TMEM117: variants seen among roughly 807,000 people sequenced by gnomAD.
TMEM117 encodes transmembrane protein 117.
In TMEM117, 27 loss-of-function variants were observed where a neutral mutation model predicts 52.4. The ratio of observed to expected loss-of-function variants is 0.51; its 90% confidence interval spans 0.38 to 0.71. The LOEUF is 0.71. Ranked by LOEUF, TMEM117 falls within the 30% of genes least tolerant of loss-of-function variation. The pLI, the probability that TMEM117 is intolerant of heterozygous loss-of-function variation, is 0.00. For missense variants in TMEM117, 556 were observed against 630.5 expected, an observed-to-expected ratio of 0.88 and a Z score of 1.26; for synonymous variants, 215 against 206.3, an observed-to-expected ratio of 1.04 and a Z score of -0.36.
chr12:44,084,338 A>C (rs1398869438), intron 3 of TMEM117, among the ~76,000 whole-genome samples: 2 of 152,184 alleles, frequency 1.3e-5, no homozygotes, highest in Non-Finnish European at 1.5e-5. Flanking sequence ...TAACTACCTA[A>C]GCCATTACTA....
chr12:44,121,670 G>A (rs1385257117), intron 3 of TMEM117, among the ~76,000 whole-genome samples: 1 of 152,052 alleles, frequency 6.6e-6, no homozygotes, highest in Non-Finnish European at 1.5e-5. Flanking sequence ...GTAAGTTTTA[G>A]GGGAGTCAAA....
rs529280957 is a variant in TMEM117, at chr12:44,057,284, C to T, written c.411-86241C>T. 1.5e-4 allele frequency among the ~76,000 whole-genome samples: 23 copies of T among 152,104 alleles called. No homozygotes were observed. The East Asian group carries it at 2.9e-3, about 19-fold the overall frequency. On this transcript the variant is annotated intron_variant, in intron 3 of 7. Coordinates refer to ENST00000266534, the MANE Select transcript of TMEM117 (RefSeq NM_032256.3). ...ACCTACTATGTGTCAGTCATGGTCC[C>T]GTGAATTTCTGGGGTTACATGATTA...
chr12:44,327,318 A>G (rs1014651435), intron 6 of TMEM117, among the ~76,000 whole-genome samples: 1 of 152,208 alleles, frequency 6.6e-6, no homozygotes, highest in African/African-American at 2.4e-5. Flanking sequence ...TACAGTGTTT[A>G]GGAGGATAAA....
chr12:43,919,392 T>C lies in TMEM117; in HGVS notation c.278-24818T>C, dbSNP rs547591435. On this transcript the variant is annotated intron_variant, in intron 2 of 7. Transcript: ENST00000266534. ...TCATATAAGTGGAATCATGCTGTCT[T>C]TGTCCTGTGACTGGCTTGTTTCACC... Among the ~76,000 whole-genome samples the C allele has an allele frequency of 2.5e-4, 38 of 152,352 alleles. 1 individual carries two copies. In the East Asian group the frequency reaches 7.3e-3, roughly 29 times the overall value.
intron 3 of TMEM117, among the ~76,000 whole-genome samples, chr12:44,070,294 A>G (rs1366126521): frequency 2.0e-5 from 3 of 152,234 alleles, no homozygotes; most frequent in African/African-American, 7.2e-5. Context: ...AGCTCCAGAC[A>G]TCACATCCTT....
chr12:43,884,756 C>T (rs1943960630), intron 2 of TMEM117, among the ~76,000 whole-genome samples: 1 of 152,180 alleles, frequency 6.6e-6, no homozygotes. Flanking sequence ...GCCTTTCTTC[C>T]TGGTCCAGGA....
intron 1 of TMEM117, among the ~76,000 whole-genome samples, chr12:43,843,058 A>G (rs890708815): frequency 3.9e-5 from 6 of 152,150 alleles, no homozygotes; most frequent in African/African-American, 1.4e-4. Context: ...CAGGAATGAT[A>G]ATAACAGTAT....
the TMEM117 span, among the ~76,000 whole-genome samples, chr12:43,800,273 TATTC>T: frequency 4.1e-4 from 62 of 152,322 alleles, no homozygotes; most frequent in East Asian, 9.8e-3. Flanking sequence ...CAAAGTTACA[TATTC>T]ATTACAGCTA....
At chr12:44,385,030 G>A (rs868242587) in intron 7 of TMEM117, among the ~76,000 whole-genome samples, 1 of 152,116 alleles carries the variant, frequency 6.6e-6, no homozygotes, top group Admixed American at 6.6e-5. Flanking sequence ...TATGGAACTG[G>A]AAGGCATCTA....
chr12:44,245,891 G>A (rs1030192935), intron 5 of TMEM117, among the ~76,000 whole-genome samples: 1 of 151,966 alleles, frequency 6.6e-6, no homozygotes, highest in African/African-American at 2.4e-5. Flanking sequence ...CCATTTAAAA[G>A]AAATACATTT....
At chr12:43,806,090 C>A in the TMEM117 span, 3 of 1,519,290 alleles carry the variant, frequency 2.0e-6, no homozygotes, top group Non-Finnish European at 2.6e-6. Context: ...GGCGCCGAGG[C>A]CCGGCTCGCC....
intron 5 of TMEM117, among the ~76,000 whole-genome samples, chr12:44,290,182 A>G (rs370482005): frequency 6.6e-6 from 1 of 152,136 alleles, no homozygotes; most frequent in Non-Finnish European, 1.5e-5. Context: ...TTTGCAGTAC[A>G]TAAGTGTGAT....
At chr12:43,961,920 A>T (rs994022202) in intron 3 of TMEM117, among the ~76,000 whole-genome samples, 1 of 152,344 alleles carries the variant, frequency 6.6e-6, no homozygotes, top group South Asian at 2.1e-4. Flanking sequence ...TAATAAATTA[A>T]TAAGAGATCG....
chr12:43,832,588 A>G (rs937112093), upstream of TMEM117, among the ~76,000 whole-genome samples: 1 of 152,252 alleles, frequency 6.6e-6, no homozygotes, highest in African/African-American at 2.4e-5. Context: ...ATAACTTTAT[A>G]GCGAGTAAGC....
chr12:44,268,837 T>C (rs549032512), intron 5 of TMEM117, among the ~76,000 whole-genome samples: 49 of 152,192 alleles, frequency 3.2e-4, no homozygotes, highest in African/African-American at 1.1e-3. Flanking sequence ...GGTCAAGAAA[T>C]AGACAAGTAT....
chr12:43,984,849 A>T (rs1425881504), intron 3 of TMEM117, among the ~76,000 whole-genome samples: 2 of 152,288 alleles, frequency 1.3e-5, no homozygotes, highest in South Asian at 2.1e-4. Context: ...CCACATACCG[A>T]AATGTCTTTT....
chr12:44,190,778 A>G (rs968547595), intron 4 of TMEM117, among the ~76,000 whole-genome samples: 1 of 151,636 alleles, frequency 6.6e-6, no homozygotes, highest in South Asian at 2.1e-4. Flanking sequence ...GTGTGAAGAG[A>G]TATGTGTTTT....
rs550045653 is a variant in TMEM117 at position 44,168,539 on chromosome 12, C to A, written c.510+24915C>A. ...TGTGGTCATAACATACTTTAATTAA[C>A]CATTCTTTTATTGTTGGACATTTAG... On this transcript the variant is annotated intron_variant, in intron 4 of 7. Coordinates refer to ENST00000266534, the MANE Select transcript of TMEM117 (RefSeq NM_032256.3). Among the ~76,000 whole-genome samples the A allele has an allele frequency of 2.6e-5, 4 of 152,154 alleles. No homozygotes were observed. In the East Asian group the frequency reaches 7.7e-4, roughly 29 times the overall value.
intron 6 of TMEM117, among the ~76,000 whole-genome samples, chr12:44,311,926 TA>T (rs1181262457): frequency 2.0e-5 from 3 of 148,020 alleles, no homozygotes; most frequent in Non-Finnish European, 3.0e-5. Context: ...TATATATATA[TA>T]TATTTTTCCT....
Sources: gnomAD v4.1 joint callset for allele counts (sites outside exome capture counted in the v4.1 genomes callset) on GRCh38, gnomAD v4.1.1 for gene constraint, MANE v1.5 for transcripts, NCBI Gene and HGNC (gene_info 2026-07-23, HGNC 2026-07-21) for gene names.